DPP8: variants seen among roughly 807,000 people sequenced by gnomAD.
DPP8 encodes DPP VIII.
In DPP8, 31 loss-of-function variants were observed where a neutral mutation model predicts 107.5. The observed-to-expected ratio is 0.29, with a 90% confidence interval of 0.22 to 0.39. The LOEUF (loss-of-function observed/expected upper bound fraction) is 0.39, where lower values mean the gene tolerates loss of function less well. Among genes scored for constraint, DPP8 ranks in the 10% least tolerant of loss-of-function variants. The pLI is 1.00. For missense variants in DPP8, 842 were observed against 1,076.1 expected (o/e 0.78, Z 3.04); for synonymous variants, 381 against 356.6 (o/e 1.07, Z -0.77).
intron 1 of DPP8, among the ~76,000 whole-genome samples, chr15:65,514,940 A>G (rs180833524): frequency 6.0e-4 from 92 of 152,326 alleles, no homozygotes; most frequent in Admixed American, 4.4e-3. Context: ...GCTTGCAAGA[A>G]TAGGGCTGGG....
At position 65,466,745 on chromosome 15, in the gene DPP8, T is replaced by G; in HGVS notation, c.1758A>C (p.Leu586=). Residue 586 remains leucine (L), a synonymous_variant, in exon 14 of 20, where the codon CTA becomes CTC. Coordinates refer to ENST00000300141, the MANE Select transcript of DPP8 (RefSeq NM_130434.5). ...KNPHCVSLYK[L]SSPEDDPTCK... is the part of the protein sequence containing the mutation. ...AAGTTGGGTCATCTTCAGGACTTGATAGCTTGTAAAGGGACACACAGTGTG... is the reference window on the plus strand; with the variant it reads ...AAGTTGGGTCATCTTCAGGACTTGAGAGCTTGTAAAGGGACACACAGTGTG... The G allele has an allele frequency of 6.2e-7, 1 of 1,614,020 alleles. No individual in the cohort carries two copies. The highest frequency in any genetic ancestry group is 1.1e-5 in the South Asian group (1 of 91,080).
chr15:65,476,774 A>C (rs988748994), intron 11 of DPP8, among the ~76,000 whole-genome samples: 9 of 152,172 alleles, frequency 5.9e-5, no homozygotes, highest in African/African-American at 2.2e-4. Flanking sequence ...CACAATAGCC[A>C]AAAGGTGGAA....
At chr15:65,475,594 G>T (rs1368917028) in intron 11 of DPP8, 1 of 1,098,518 alleles carries the variant, frequency 9.1e-7, no homozygotes, top group Admixed American at 1.7e-5. Context: ...GCACTTCTGA[G>T]GTAGCCATAT....
chr15:65,515,287 A>G (rs2071311751), intron 1 of DPP8, among the ~76,000 whole-genome samples: 1 of 152,194 alleles, frequency 6.6e-6, no homozygotes, highest in Non-Finnish European at 1.5e-5. Flanking sequence ...ACATTAGCTT[A>G]CATTTAAATT....
chr15:65,469,728 C>T (rs1451594124), intron 12 of DPP8, among the ~76,000 whole-genome samples: 1 of 150,664 alleles, frequency 6.6e-6, no homozygotes, highest in Non-Finnish European at 1.5e-5. Context: ...CCCAGCTACT[C>T]GGGAGGCTGA....
chr15:65,468,480 C>T (rs1477562238), intron 12 of DPP8, among the ~76,000 whole-genome samples: 1 of 143,122 alleles, frequency 7.0e-6, no homozygotes, highest in Non-Finnish European at 1.5e-5. Flanking sequence ...GGCAACAGAG[C>T]AAGACCCTTA....
At chr15:65,500,970 CG>C (rs1567270401) in intron 3 of DPP8, among the ~76,000 whole-genome samples, 191 bp from the exon 4 acceptor site, 1 of 151,100 alleles carries the variant, frequency 6.6e-6, no homozygotes, top group African/African-American at 2.4e-5. Context: ...CTCTGCCTCC[CG>C]GGTTCACACC....
chr15:65,496,140 C>G (rs1030355416), intron 5 of DPP8, among the ~76,000 whole-genome samples: 1 of 151,828 alleles, frequency 6.6e-6, no homozygotes. Context: ...CCCGCCACCA[C>G]GCCCGGCTAA....
chr15:65,460,367 C>T (rs2064810089), intron 15 of DPP8, among the ~76,000 whole-genome samples: 1 of 151,976 alleles, frequency 6.6e-6, no homozygotes, highest in African/African-American at 2.4e-5. Flanking sequence ...CGCTTGAACC[C>T]AGGAGGTGGA....
At chr15:65,471,273 A>C (rs1182319187) in intron 12 of DPP8, among the ~76,000 whole-genome samples, 1 of 152,202 alleles carries the variant, frequency 6.6e-6, no homozygotes, top group African/African-American at 2.4e-5. Flanking sequence ...TTATTTGGAT[A>C]TATAACAAGA....
At chr15:65,447,152 C>T (rs1249269034) in intron 19 of DPP8, 146 bp from the exon 20 acceptor site, 10 of 522,934 alleles carry the variant, frequency 1.9e-5, no homozygotes, top group South Asian at 8.5e-5. Flanking sequence ...CCTATCTAAA[C>T]GCTCCTCTCT....
At chr15:65,484,057 G>A (rs1010067930) in intron 8 of DPP8, among the ~76,000 whole-genome samples, 10 of 152,172 alleles carry the variant, frequency 6.6e-5, no homozygotes, top group South Asian at 2.1e-4. Flanking sequence ...GGCTGGGCAC[G>A]GTGGCTCATG....
At chr15:65,458,555 C>T (rs888648257) in intron 15 of DPP8, 1 of 152,118 alleles carries the variant, frequency 6.6e-6, no homozygotes, top group East Asian at 1.9e-4. Context: ...GCCACCTTAC[C>T]CAGCCTTGTT....
At chr15:65,463,710 A>G (rs995699370) in intron 15 of DPP8, 51 bp downstream of exon 15, 6 of 1,477,962 alleles carry the variant, frequency 4.1e-6, no homozygotes, top group Non-Finnish European at 5.6e-6. Context: ...CAAAAGATCT[A>G]AAATACATAT....
chr15:65,487,984 T>A (rs1165720752), intron 6 of DPP8, among the ~76,000 whole-genome samples, 166 bp from the exon 7 acceptor site: 1 of 152,186 alleles, frequency 6.6e-6, no homozygotes, highest in Non-Finnish European at 1.5e-5. Flanking sequence ...AGTAGCAAGG[T>A]GAGTTATTGT....
intron 5 of DPP8, among the ~76,000 whole-genome samples, chr15:65,492,421 G>C (rs1014437720): frequency 6.6e-6 from 1 of 152,120 alleles, no homozygotes; most frequent in African/African-American, 2.4e-5. Flanking sequence ...TGGCTGGTTA[G>C]TGTGGTAAGT....
Position 65,449,168 on chromosome 15 carries a change from C to T in DPP8, c.2526+1831G>A, listed in dbSNP as rs1334551543. Among the ~76,000 whole-genome samples, 10 of 143,796 alleles carry T rather than the reference C, an allele frequency of 7.0e-5. No individual in the cohort carries two copies. The East Asian group carries it at 1.8e-3, about 26-fold the overall frequency. The allele number at this position is 143,796 out of a possible 152,430, so 94.3% of individuals were successfully genotyped here. A position where few individuals can be genotyped will look rare whatever the true frequency, so the allele number is the denominator to read the frequency against. On this transcript the variant is annotated intron_variant, in intron 19 of 19. Transcript: ENST00000300141. ...GAGGTTGCAGTTAGCCAAGATCACA[C>T]CACTGTGCTCCAGCCTGGGTGACAG...
In DPP8 at chr15:65,488,474, G is replaced by A. The variant is rs1201509417; in HGVS notation, c.827-656C>T. 2.0e-5 allele frequency among the ~76,000 whole-genome samples: 3 copies of A among 151,672 alleles called. No individual in the cohort carries two copies. In the East Asian group the frequency reaches 5.8e-4, roughly 29 times the overall value. On this transcript the variant is annotated intron_variant, in intron 6 of 19. Coordinates refer to ENST00000300141, the MANE Select transcript of DPP8 (RefSeq NM_130434.5). ...AATACAAAAATTAGCTGGGTGTAGT[G>A]GCTTGTGCCTGTAGTCCCAGGTACT... is the stretch of plus-strand genomic sequence containing the variant.
At chr15:65,494,276 G>C (rs1031836379) in intron 5 of DPP8, among the ~76,000 whole-genome samples, 16 of 151,116 alleles carry the variant, frequency 1.1e-4, no homozygotes, top group African/African-American at 3.9e-4. Context: ...TCCAAGGCTG[G>C]AGTGCAGTGG....
Sources: gnomAD v4.1 joint callset for allele counts (sites outside exome capture counted in the v4.1 genomes callset) on GRCh38, gnomAD v4.1.1 for gene constraint, MANE v1.5 for transcripts, NCBI Gene and HGNC (gene_info 2026-07-23, HGNC 2026-07-21) for gene names.